The following TYMS variants were observed in gnomAD, a reference collection of about 807,000 sequenced individuals.
TYMS encodes the protein thymidylate synthase.
TYMS carries 21 observed loss-of-function variants against 39.3 expected under a neutral mutation model. That is an observed-to-expected ratio of 0.54 (90% CI 0.38 to 0.77). The LOEUF (loss-of-function observed/expected upper bound fraction) is 0.77. Among genes scored for constraint, TYMS ranks in the 30% least tolerant of loss-of-function variants. TYMS has a pLI of 0.00. For synonymous variants in TYMS, 171 were observed against 162.2 expected (o/e 1.05, Z -0.41); for missense variants, 273 against 406.7 (o/e 0.67, Z 2.83).
chr18:666,703 C>T lies in TYMS; in HGVS notation c.455-2369C>T, dbSNP rs146878932. On this transcript the variant is annotated intron_variant, in intron 3 of 6. Coordinates refer to ENST00000323274, the MANE Select transcript of TYMS (RefSeq NM_001071.4). ...AAGCCTAAAATCTATATTTTATGTG[C>T]GGTCATGAGATCTGTTAAATGTTAG... Among the ~76,000 whole-genome samples, 16 of 152,278 alleles carry T rather than the reference C, an allele frequency of 1.1e-4. No homozygotes were observed. In the East Asian group the frequency reaches 2.3e-3, roughly 22 times the overall value.
At chr18:666,975 AGATGGAGATGGT>A (rs2074842444) in intron 3 of TYMS, among the ~76,000 whole-genome samples, 10 of 15,002 alleles carry the variant, frequency 6.7e-4, no homozygotes, top group East Asian at 3.8e-3. Context: ...ATGGTGATGG[AGATGGAGATGGT>A]GATGGTGATG....
At chr18:669,318 A>G (rs2074933641) in intron 4 of TYMS, 145 bp downstream of exon 4, 2 of 592,700 alleles carry the variant, frequency 3.4e-6, no homozygotes, top group African/African-American at 3.8e-5. Flanking sequence ...TGGGCAAGTC[A>G]CATTTTGCTG....
At chr18:661,972 C>T (rs368590832) in intron 2 of TYMS, among the ~76,000 whole-genome samples, 174 bp from the exon 3 acceptor site, 2 of 151,988 alleles carry the variant, frequency 1.3e-5, no homozygotes, top group Non-Finnish European at 2.9e-5. Flanking sequence ...GCAACAAGAG[C>T]GAAACTCTCA....
chr18:670,675 C>T lies in TYMS; in HGVS notation c.557-17C>T, dbSNP rs774439662. On this transcript the variant is annotated splice_polypyrimidine_tract_variant and intron_variant, in intron 4 of 6. Transcript: ENST00000323274. Reference sequence around the variant, plus strand: ...CAAACCACCATCCCTCCTTATCTTCCTCTGCTGGTTCCTCAGATCTTCCTC... The same window carrying T: ...CAAACCACCATCCCTCCTTATCTTCTTCTGCTGGTTCCTCAGATCTTCCTC... 19 of 1,612,684 alleles carry T rather than the reference C, an allele frequency of 1.2e-5. No individual in the cohort carries two copies. The highest frequency in any genetic ancestry group is 9.3e-5 in the African/African-American group (7 of 74,898).
At chr18:671,749 T>C (rs2075061173) in intron 6 of TYMS, 2 of 386,740 alleles carry the variant, frequency 5.2e-6, no homozygotes, top group Admixed American at 4.5e-5. Context: ...TCATTTTAAC[T>C]TGAAGGAGAA....
At position 658,464 on chromosome 18, in the gene TYMS, G is replaced by A; in HGVS notation, c.205+517G>A. The A allele has an allele frequency of 3.4e-6, 2 of 583,846 alleles. No homozygotes were observed. Among genetic ancestry groups the A allele is most frequent in the Non-Finnish European group, 5.1e-6 (2 of 390,102 alleles). The allele number at this position is 583,846 out of a possible 1,614,324, so 36.2% of individuals were successfully genotyped here. A position where few individuals can be genotyped will look rare whatever the true frequency, so the allele number is the denominator to read the frequency against. On this transcript the variant is annotated intron_variant, in intron 1 of 6. Coordinates refer to ENST00000323274, the MANE Select transcript of TYMS (RefSeq NM_001071.4). The surrounding 1 kb of genome is among the most constrained non-coding windows in gnomAD (Gnocchi z 4.5). ...AGCTGGCGCGGGAACTTGGTTTCCT[G>A]GTGGCCTCCCATCCAATCCCCACGA...
At chr18:659,511 A>T in intron 1 of TYMS, 130 bp from the exon 2 acceptor site, 1 of 746,294 alleles carries the variant, frequency 1.3e-6, no homozygotes, top group Non-Finnish European at 2.3e-6. Context: ...TCTCTGGCCC[A>T]CTTTGCGGGA....
Position 669,117 on chromosome 18 carries a change from C to CCAT in TYMS, c.503_505dup (p.Ile168dup). 6.2e-7 allele frequency: 1 copy of CCAT among 1,614,174 alleles called. No individual in the cohort carries two copies. Among genetic ancestry groups the CCAT allele is most frequent in the Non-Finnish European group, 8.5e-7 (1 of 1,180,028 alleles). On this transcript the variant is annotated inframe_insertion, in exon 4 of 7. Transcript: ENST00000323274. ...GACCAACTGCAAAGAGTGATTGACA[C>CCAT]CATCAAAACCAACCCTGACGACAGA... is the stretch of plus-strand genomic sequence containing the variant.
chr18:671,097 C>G (rs2144372139), intron 5 of TYMS: 1 of 627,816 alleles, frequency 1.6e-6, no homozygotes, highest in South Asian at 2.0e-5. Flanking sequence ...GATACAGCTT[C>G]TATGGATTTT....
At chr18:671,636 T>C (rs1349009987) in intron 6 of TYMS, 185 bp downstream of exon 6, 2 of 622,616 alleles carry the variant, frequency 3.2e-6, no homozygotes, top group Non-Finnish European at 5.7e-6. Context: ...TCAGCAACCA[T>C]GGGCACTTAA....
At chr18:671,780 CTTTTCT>C (rs2075063413) in intron 6 of TYMS, 3 of 255,906 alleles carry the variant, frequency 1.2e-5, no homozygotes, top group East Asian at 1.2e-4. Context: ...AATGTTTTTC[CTTTTCT>C]TTTTTTTTTG....
intron 4 of TYMS, chr18:669,455 C>G (rs1598474729): frequency 3.8e-6 from 1 of 261,008 alleles, no homozygotes; most frequent in Non-Finnish European, 7.4e-6. Context: ...TCACTGTAAC[C>G]TCTGCCTCCT....
rs372624945 is a variant in TYMS at position 667,535 on chromosome 18, T to C, written c.455-1537T>C. Among the ~76,000 whole-genome samples the C allele has an allele frequency of 1.8e-4, 13 of 72,044 alleles. 3 individuals are homozygous for C. The highest frequency in any genetic ancestry group is 9.2e-4 in the African/African-American group (9 of 9,836). The allele number at this position is 72,044 out of a possible 152,430, so 47.3% of individuals were successfully genotyped here. A position where few individuals can be genotyped will look rare whatever the true frequency, so the allele number is the denominator to read the frequency against. Reference sequence around the variant, plus strand: ...GTGATGGTGATGGTGATGGAGATGGTGATGGTGATGGTGATGGAGATGGTG... The same window carrying C: ...GTGATGGTGATGGTGATGGAGATGGCGATGGTGATGGTGATGGAGATGGTG... On this transcript the variant is annotated intron_variant, in intron 3 of 6. Coordinates refer to ENST00000323274, the MANE Select transcript of TYMS (RefSeq NM_001071.4).
chr18:668,526 GCTAAACT>G (rs951617166), intron 3 of TYMS, among the ~76,000 whole-genome samples: 1 of 152,148 alleles, frequency 6.6e-6, no homozygotes. Flanking sequence ...GTGTTGAGCT[GCTAAACT>G]CTAAAGTAAT....
chr18:661,346 G>A (rs1304332237), intron 2 of TYMS, among the ~76,000 whole-genome samples: 1 of 152,210 alleles, frequency 6.6e-6, no homozygotes, highest in Non-Finnish European at 1.5e-5. Context: ...GATAGTTGGA[G>A]TTACTCCATT....
chr18:659,609 A>G (rs148688560), intron 1 of TYMS, 32 bp from the exon 2 acceptor site: 188 of 1,596,420 alleles, frequency 1.2e-4, no homozygotes, highest in Middle Eastern at 5.0e-4. Context: ...CTGTCTTCCC[A>G]TCTTGAAACC....
chr18:666,596 G>A (rs1032813821), intron 3 of TYMS, among the ~76,000 whole-genome samples: 2 of 152,190 alleles, frequency 1.3e-5, no homozygotes, highest in East Asian at 3.9e-4. Flanking sequence ...GAGAGCAGGT[G>A]TCTCATCTAA....
intron 6 of TYMS, 139 bp from the exon 7 acceptor site, chr18:672,721 G>T: frequency 2.2e-6 from 2 of 921,212 alleles, no homozygotes; most frequent in Non-Finnish European, 3.2e-6. Flanking sequence ...CATAACCTAC[G>T]GCAAGGTATC....
intron 3 of TYMS, among the ~76,000 whole-genome samples, chr18:665,114 T>A (rs1197039639): frequency 2.0e-5 from 3 of 151,602 alleles, no homozygotes; most frequent in African/African-American, 4.9e-5. Context: ...TCTTTGTACC[T>A]CTGGTAGAAT....
Sources: gnomAD v4.1 joint callset for allele counts (sites outside exome capture counted in the v4.1 genomes callset) on GRCh38, gnomAD v4.1.1 for gene constraint, Gnocchi (gnomAD v3.1) non-coding constraint, MANE v1.5 for transcripts, NCBI Gene and HGNC (gene_info 2026-07-23, HGNC 2026-07-21) for gene names.